BBX: variants seen among roughly 807,000 people sequenced by gnomAD.
BBX encodes HMG box transcription factor BBX.
BBX carries 30 observed loss-of-function variants against 100.2 expected under a neutral mutation model. The observed-to-expected ratio is 0.30, with a 90% CI of 0.22 to 0.41. The LOEUF is 0.41. Among genes scored for constraint, BBX ranks in the 10% least tolerant of loss-of-function variants. BBX has a pLI of 1.00. For synonymous variants in BBX, 376 were observed against 388.1 expected (o/e 0.97, Z 0.37); for missense variants, 1,023 against 1,129.8 (o/e 0.91, Z 1.35).
chr3:107,661,788 C>G (rs1418886159), intron 3 of BBX: 1 of 736,230 alleles, frequency 1.4e-6, no homozygotes, highest in African/African-American at 1.9e-5. Context: ...CTCTGTGTTT[C>G]TCCTGACTGT....
At position 107,592,381 on chromosome 3, in the gene BBX, A is replaced by AAAG. The variant is rs1336702687; in HGVS notation, c.-83-53454_-83-53452dup. On this transcript the variant is annotated intron_variant, in intron 2 of 17. Coordinates refer to ENST00000325805, the MANE Select transcript of BBX (RefSeq NM_001142568.3). ...GTCTCAAAAAAAAAAAAAAAAAAAA[A>AAAG]AAGGTGTATTAAGATGACTGTATGT... is the stretch of plus-strand genomic sequence containing the variant. Among the ~76,000 whole-genome samples the AAAG allele has an allele frequency of 9.9e-5, 15 of 151,014 alleles. No individual in the cohort carries two copies. In the Admixed American group the frequency reaches 9.9e-4, roughly 10 times the overall value.
intron 2 of BBX, among the ~76,000 whole-genome samples, chr3:107,586,910 C>T (rs1042517288): frequency 2.0e-5 from 3 of 151,968 alleles, no homozygotes; most frequent in African/African-American, 7.2e-5. Flanking sequence ...GCCACCATGT[C>T]CAGCTAATTT....
At chr3:107,573,361 C>A (rs899413925) in intron 2 of BBX, among the ~76,000 whole-genome samples, 1 of 152,104 alleles carries the variant, frequency 6.6e-6, no homozygotes, top group Non-Finnish European at 1.5e-5. Flanking sequence ...AGTTTGAGAC[C>A]AGCCTGGCCA....
chr3:107,549,774 CTT>C (rs569776575), intron 2 of BBX, among the ~76,000 whole-genome samples: 9 of 151,880 alleles, frequency 5.9e-5, no homozygotes, highest in Non-Finnish European at 2.9e-5. Flanking sequence ...TCTCTTAAGA[CTT>C]TTCCTTGAAA....
intron 2 of BBX, among the ~76,000 whole-genome samples, chr3:107,594,813 T>A (rs2053570021): frequency 6.6e-6 from 1 of 152,234 alleles, no homozygotes; most frequent in Non-Finnish European, 1.5e-5. Context: ...AAAAATTTGA[T>A]AAACTCAAGT....
At chr3:107,752,607 C>A (rs1489367837) in intron 9 of BBX, among the ~76,000 whole-genome samples, 1 of 152,152 alleles carries the variant, frequency 6.6e-6, no homozygotes, top group Admixed American at 6.6e-5. Flanking sequence ...AATTTAACAT[C>A]CAGGGTGATC....
intron 13 of BBX, among the ~76,000 whole-genome samples, chr3:107,781,134 T>G (rs1451088795): frequency 6.6e-6 from 1 of 152,078 alleles, no homozygotes; most frequent in Non-Finnish European, 1.5e-5. Flanking sequence ...ATGTATGCAT[T>G]TATATAGTTG....
At chr3:107,734,511 C>T (rs929538168) in intron 7 of BBX, among the ~76,000 whole-genome samples, 15 of 152,176 alleles carry the variant, frequency 9.9e-5, no homozygotes, top group Admixed American at 7.9e-4. Context: ...GTATCCCAAG[C>T]GTGTTCCAAA....
intron 3 of BBX, among the ~76,000 whole-genome samples, chr3:107,658,584 A>T (rs1314192907): frequency 2.0e-5 from 3 of 152,170 alleles, no homozygotes; most frequent in Non-Finnish European, 4.4e-5. Context: ...AGTCTTAAGA[A>T]ACAGATACAT....
intron 2 of BBX, among the ~76,000 whole-genome samples, chr3:107,590,120 A>G (rs994551921): frequency 3.3e-5 from 5 of 152,174 alleles, no homozygotes; most frequent in Admixed American, 2.0e-4. Flanking sequence ...ATTTTTATAA[A>G]TAATCATTTC....
chr3:107,530,407 AAACAAAAC>A (rs1381442130), intron 2 of BBX, among the ~76,000 whole-genome samples: 1 of 152,068 alleles, frequency 6.6e-6, no homozygotes, highest in African/African-American at 2.4e-5. Flanking sequence ...AAACAAAACA[AAACAAAAC>A]AAAACAGAAA....
At chr3:107,792,757 G>A (rs1393209007) in intron 15 of BBX, among the ~76,000 whole-genome samples, 33 of 152,062 alleles carry the variant, frequency 2.2e-4, no homozygotes, top group Admixed American at 2.2e-3. Context: ...ATTCCATATA[G>A]TTTTTTTAAT....
chr3:107,712,931 G>A lies in BBX; in HGVS notation c.162+2309G>A, dbSNP rs185414673. ...CTTCTCTTTTCACTCACACTCAGTG[G>A]TCTAGTCCATACTTTTAGTCTTAGC... is the stretch of plus-strand genomic sequence containing the variant. On this transcript the variant is annotated intron_variant, in intron 4 of 17. Transcript: ENST00000325805. 9.9e-4 allele frequency among the ~76,000 whole-genome samples: 150 copies of A among 152,198 alleles called. 2 individuals are homozygous for A. Among genetic ancestry groups the A allele is most frequent in the Admixed American group, 8.6e-3 (131 of 15,284 alleles).
chr3:107,771,699 A>C (rs2066920492), intron 10 of BBX, among the ~76,000 whole-genome samples: 1 of 152,186 alleles, frequency 6.6e-6, no homozygotes, highest in African/African-American at 2.4e-5. Context: ...AGAAAACAAA[A>C]ACAAGTTTGT....
At chr3:107,526,745 G>A (rs1436809214) in intron 2 of BBX, 2 of 161,326 alleles carry the variant, frequency 1.2e-5, no homozygotes, top group African/African-American at 2.4e-5. Context: ...TGCAGTGTAT[G>A]AGTGGAGAGA....
chr3:107,539,535 G>C (rs1457976358), intron 2 of BBX, among the ~76,000 whole-genome samples: 1 of 151,984 alleles, frequency 6.6e-6, no homozygotes, highest in Non-Finnish European at 1.5e-5. Flanking sequence ...ACCCCACCTG[G>C]GCCAAACAAC....
intron 3 of BBX, among the ~76,000 whole-genome samples, chr3:107,663,366 A>C (rs538616418): frequency 6.6e-6 from 1 of 152,196 alleles, no homozygotes; most frequent in Non-Finnish European, 1.5e-5. Context: ...AAAAATATTT[A>C]TACTATGTAG....
chr3:107,575,896 C>A (rs1376386975), intron 2 of BBX, among the ~76,000 whole-genome samples: 2 of 152,052 alleles, frequency 1.3e-5, no homozygotes, highest in Admixed American at 6.5e-5. Context: ...TGAGGCCAGG[C>A]GTGGTGGCTC....
intron 3 of BBX, among the ~76,000 whole-genome samples, chr3:107,705,198 T>G (rs1181987619): frequency 6.6e-6 from 1 of 152,104 alleles, no homozygotes; most frequent in Non-Finnish European, 1.5e-5. Context: ...GGTTTTGTAG[T>G]CTTAATTGGA....
Sources: allele counts gnomAD v4.1 joint callset (sites outside exome capture counted in the v4.1 genomes callset), GRCh38; gene constraint gnomAD v4.1.1; transcripts MANE v1.5; gene names NCBI Gene and HGNC (gene_info 2026-07-23, HGNC 2026-07-21).